KCNN3: variants seen among roughly 807,000 people sequenced by gnomAD.
The protein encoded by KCNN3 is small conductance calcium-activated potassium channel protein 3.
Under a neutral mutation model 62.9 loss-of-function variants are expected in KCNN3, and 16 were observed. The ratio of observed to expected loss-of-function variants is 0.25; its 90% CI spans 0.17 to 0.39. The LOEUF is 0.39. Among genes scored for constraint, KCNN3 ranks in the 10% least tolerant of loss-of-function variants. KCNN3 has a pLI of 1.00. For synonymous variants in KCNN3, 370 were observed against 389.2 expected, an observed-to-expected ratio of 0.95 and a Z score of 0.58; for missense variants, 599 against 949.4, an observed-to-expected ratio of 0.63 and a Z score of 4.85.
chr1:154,857,373 G>A (rs560218768), intron 1 of KCNN3, among the ~76,000 whole-genome samples: 3 of 152,258 alleles, frequency 2.0e-5, no homozygotes, highest in South Asian at 4.1e-4. Context: ...AGCCCAGCAC[G>A]GCACCTGGAG....
At chr1:154,752,895 T>C (rs960862754) in intron 3 of KCNN3, among the ~76,000 whole-genome samples, 2 of 152,186 alleles carry the variant, frequency 1.3e-5, no homozygotes, top group African/African-American at 4.8e-5. Flanking sequence ...CCTCGGCCTG[T>C]GGTCACCCTT....
At chr1:154,721,536 A>T (rs1700347661) in intron 5 of KCNN3, among the ~76,000 whole-genome samples, 1 of 151,972 alleles carries the variant, frequency 6.6e-6, no homozygotes, top group African/African-American at 2.4e-5. Context: ...CCTGACCTCA[A>T]GTGATCCGCC....
intron 1 of KCNN3, among the ~76,000 whole-genome samples, chr1:154,839,776 ACTG>A (rs1202561060): frequency 9.1e-6 from 1 of 110,032 alleles, no homozygotes; most frequent in African/African-American, 3.3e-5. Flanking sequence ...GCCACTGGCC[ACTG>A]GTGGAAGTGT....
chr1:154,793,110 C>T (rs1402826052), intron 2 of KCNN3, among the ~76,000 whole-genome samples: 1 of 152,190 alleles, frequency 6.6e-6, no homozygotes, highest in African/African-American at 2.4e-5. Context: ...TGGAGATGGA[C>T]AGGTCAATCA....
At chr1:154,740,520 T>C (rs1361444971) in intron 3 of KCNN3, among the ~76,000 whole-genome samples, 1 of 152,252 alleles carries the variant, frequency 6.6e-6, no homozygotes, top group South Asian at 2.1e-4. Flanking sequence ...AGACTGGGTT[T>C]GCTGGTTTGT....
At chr1:154,753,916 C>A (rs1259686566) in intron 3 of KCNN3, among the ~76,000 whole-genome samples, 1 of 152,174 alleles carries the variant, frequency 6.6e-6, no homozygotes, top group Non-Finnish European at 1.5e-5. Context: ...TAATAGAGGG[C>A]AGGTGACTTG....
At chr1:154,797,986 A>G (rs1649801373) in intron 2 of KCNN3, among the ~76,000 whole-genome samples, 1 of 152,202 alleles carries the variant, frequency 6.6e-6, no homozygotes, top group South Asian at 2.1e-4. Context: ...GATCCTCCAC[A>G]TGGGCTCTGG....
intron 5 of KCNN3, 79 bp downstream of exon 5, chr1:154,725,837 C>T: frequency 9.5e-7 from 1 of 1,050,576 alleles, no homozygotes; most frequent in Non-Finnish European, 1.5e-6. Context: ...GCCACTGCAC[C>T]CGTTGGACCA....
At chr1:154,797,356 G>A (rs1649775543) in intron 2 of KCNN3, among the ~76,000 whole-genome samples, 1 of 152,138 alleles carries the variant, frequency 6.6e-6, no homozygotes, top group South Asian at 2.1e-4. Context: ...TGTGATTTTG[G>A]GCAAGTTAAT....
At chr1:154,821,955 G>T in intron 2 of KCNN3, 134 bp downstream of exon 2, 1 of 708,570 alleles carries the variant, frequency 1.4e-6, no homozygotes, top group Non-Finnish European at 2.5e-6. Flanking sequence ...GAAGAGCCAC[G>T]ATCTTGGGCA....
At position 154,859,694 on chromosome 1, in the gene KCNN3, C is replaced by T. The variant is rs753646576; in HGVS notation, c.933+9338G>A. 3.1e-6 allele frequency: 5 copies of T among 1,614,192 alleles called. No homozygotes were observed. The Admixed American group carries it at 5.0e-5, about 16-fold the overall frequency. Reference sequence around the variant, plus strand: ...CTGGGTAACCTGGGCAGGGCACCCACCTTTATAGGTCTCTCCATCTATAAC... The same window carrying T: ...CTGGGTAACCTGGGCAGGGCACCCATCTTTATAGGTCTCTCCATCTATAAC... On this transcript the variant is annotated intron_variant, in intron 1 of 7. Transcript: ENST00000271915.
chr1:154,785,549 G>A (rs1316465800), intron 2 of KCNN3, among the ~76,000 whole-genome samples: 1 of 150,656 alleles, frequency 6.6e-6, no homozygotes, highest in African/African-American at 2.4e-5. Flanking sequence ...CTTGTTGGCT[G>A]GGGCCTAAGC....
At position 154,707,792 on chromosome 1, in the gene KCNN3, T is replaced by G; in HGVS notation, c.*184A>C. 11 of 656,840 alleles carry G rather than the reference T, an allele frequency of 1.7e-5. No individual in the cohort carries two copies. The highest frequency in any genetic ancestry group is 1.5e-5 in the Non-Finnish European group (6 of 394,292). 40.7% of individuals were successfully genotyped at this position (656,840 alleles called of 1,614,324 possible). A position where few individuals can be genotyped will look rare whatever the true frequency, so the allele number is the denominator to read the frequency against. On this transcript the variant is annotated 3_prime_UTR_variant, in exon 8 of 8. Coordinates refer to ENST00000271915, the MANE Select transcript of KCNN3 (RefSeq NM_002249.6). ...CCAAGTAGAGGCACCTAAACAGAGA[T>G]TAGATTTCTGGTTTCAAGGCATGTC...
intron 5 of KCNN3, among the ~76,000 whole-genome samples, chr1:154,717,375 C>T (rs540074464): frequency 4.5e-4 from 68 of 152,164 alleles, no homozygotes; most frequent in African/African-American, 1.4e-3. Flanking sequence ...ATTGAACATA[C>T]GAGGAAACCA....
Position 154,782,969 on chromosome 1 carries a change from T to C in KCNN3, c.1030-10576A>G, listed in dbSNP as rs148943199. Among the ~76,000 whole-genome samples the C allele has an allele frequency of 3.9e-4, 60 of 152,292 alleles. No individual in the cohort carries two copies. The East Asian group carries it at 0.011, about 28-fold the overall frequency. On this transcript the variant is annotated intron_variant, in intron 2 of 7. Coordinates refer to ENST00000271915, the MANE Select transcript of KCNN3 (RefSeq NM_002249.6). ...GGCTCACGCCTGTAATCCCAGCGCTTTGGCAGGCCGAGGCGGGCGGATCAT... is the reference window on the plus strand; with the variant it reads ...GGCTCACGCCTGTAATCCCAGCGCTCTGGCAGGCCGAGGCGGGCGGATCAT...
intron 3 of KCNN3, among the ~76,000 whole-genome samples, chr1:154,748,053 G>C (rs1700978047): frequency 6.6e-6 from 1 of 152,170 alleles, no homozygotes; most frequent in African/African-American, 2.4e-5. Flanking sequence ...GCCTCCATTG[G>C]TTGGTTGGTT....
At chr1:154,708,468 A>G (rs1020563850) in intron 7 of KCNN3, among the ~76,000 whole-genome samples, 196 bp from the exon 8 acceptor site, 2 of 152,154 alleles carry the variant, frequency 1.3e-5, no homozygotes, top group Non-Finnish European at 2.9e-5. Flanking sequence ...TTCTTATTAC[A>G]AAAGTAATGA....
chr1:154,869,140 G>A lies in KCNN3; in HGVS notation c.825C>T (p.Ala275=). The A allele has an allele frequency of 6.2e-7, 1 of 1,613,988 alleles. No homozygotes were observed. The highest frequency in any genetic ancestry group is 8.5e-7 in the Non-Finnish European group (1 of 1,180,016). Residue 275 remains alanine (A), a synonymous_variant, in exon 1 of 8, where the codon GCC becomes GCT. Transcript: ENST00000271915. The surrounding 1 kb of genome is among the most constrained non-coding windows in gnomAD (Gnocchi z 6.1). ...TCAGTCGCTTTCTCTTTTCAAACAG[G>A]GCCCTCCTGTGTCCCAGCTTATAGC... The part of the protein sequence containing the change: ...NIGYKLGHRR[A]LFEKRKRLSD...
At chr1:154,748,443 C>T (rs1319773553) in intron 3 of KCNN3, among the ~76,000 whole-genome samples, 1 of 152,188 alleles carries the variant, frequency 6.6e-6, no homozygotes. Context: ...CAAAATACTT[C>T]CTCAAAGATC....
Sources: gnomAD v4.1 joint callset for allele counts (sites outside exome capture counted in the v4.1 genomes callset) on GRCh38, gnomAD v4.1.1 for gene constraint, Gnocchi (gnomAD v3.1) non-coding constraint, MANE v1.5 for transcripts, NCBI Gene and HGNC (gene_info 2026-07-23, HGNC 2026-07-21) for gene names.